The following STRN3 variants were observed in gnomAD, a reference collection of about 807,000 sequenced individuals.
STRN3 encodes striatin 3, also known as striatin-3.
A neutral mutation model predicts 95.6 loss-of-function variants in STRN3; 29 were observed. The ratio of observed to expected loss-of-function variants is 0.30; its 90% CI spans 0.23 to 0.41. The LOEUF (loss-of-function observed/expected upper bound fraction) is 0.41, where lower values mean the gene tolerates loss of function less well. Ranked by LOEUF, STRN3 falls within the 10% of genes least tolerant of loss-of-function variation. The pLI is 1.00. For missense variants in STRN3, 890 were observed against 972.1 expected, an observed-to-expected ratio of 0.92 and a Z score of 1.12; for synonymous variants, 331 against 357.6, an observed-to-expected ratio of 0.93 and a Z score of 0.84.
In STRN3 at chr14:30,911,799, T is replaced by C. The variant is rs1450725961; in HGVS notation, c.1576A>G (p.Ile526Val). ...TACATGTGGGCCCTAAATGTGTAGA[T>C]AGGCTCTACATCTAAAGAGGCACTC... ...KKSASLDVEP[I>V]YTFRAHIGPV... The change falls in exon 12 of 18, where the codon ATC (isoleucine) becomes GTC (valine). Residue 526 changes from isoleucine (I) to valine (V), a missense_variant. By Grantham distance (29) the Ile-to-Val change is conservative. Around this residue, in one of 3 missense-constraint regions of STRN3, gnomAD observed 357 missense variants for 422.8 expected, o/e 0.84. Transcript: ENST00000357479. 64 of 1,608,822 alleles carry C rather than the reference T, an allele frequency of 4.0e-5. No homozygotes were observed. The highest frequency in any genetic ancestry group is 5.3e-5 in the Non-Finnish European group (63 of 1,178,452).
At chr14:30,951,049 T>A in intron 3 of STRN3, 105 bp from the exon 4 acceptor site, 1 of 940,490 alleles carries the variant, frequency 1.1e-6, no homozygotes, top group Non-Finnish European at 1.6e-6. Context: ...ACCTATTTTA[T>A]AAAGGACAGG....
chr14:30,947,554 C>A (rs1879425340), intron 4 of STRN3, among the ~76,000 whole-genome samples: 1 of 152,114 alleles, frequency 6.6e-6, no homozygotes, highest in Non-Finnish European at 1.5e-5. Context: ...CACACACACA[C>A]ACATTTTTAA....
intron 16 of STRN3, among the ~76,000 whole-genome samples, chr14:30,898,924 G>C (rs1202717854): frequency 6.6e-6 from 1 of 152,200 alleles, no homozygotes; most frequent in Non-Finnish European, 1.5e-5. Context: ...AACTGTGTGA[G>C]TTTAAATACT....
At chr14:30,994,082 G>C (rs1447012479) in intron 1 of STRN3, among the ~76,000 whole-genome samples, 1 of 152,042 alleles carries the variant, frequency 6.6e-6, no homozygotes, top group Non-Finnish European at 1.5e-5. Flanking sequence ...TCCCATGTTG[G>C]TCAGACTGGT....
At chr14:30,914,924 C>A (rs1896698791) in intron 9 of STRN3, among the ~76,000 whole-genome samples, 1 of 152,164 alleles carries the variant, frequency 6.6e-6, no homozygotes, top group Admixed American at 6.5e-5. Context: ...ACCAATTAAA[C>A]TCTGCCATAA....
intron 1 of STRN3, among the ~76,000 whole-genome samples, chr14:31,009,152 T>C (rs1329957742): frequency 6.6e-6 from 1 of 152,194 alleles, no homozygotes; most frequent in African/African-American, 2.4e-5. Context: ...ATGAGTTTCT[T>C]TTGTATCGAT....
In STRN3 at chr14:30,910,694, T is replaced by C. The variant is rs572121203; in HGVS notation, c.1720+347A>G. On this transcript the variant is annotated intron_variant, in intron 13 of 17. Coordinates refer to ENST00000357479, the MANE Select transcript of STRN3 (RefSeq NM_001083893.2). The stretch of plus-strand genomic sequence containing the variant: ...ATTTATACCCCTGATGTTGGTTCCA[T>C]TGTCTTTTGCTTAATATTTTTAAAA... Among the ~76,000 whole-genome samples, 266 of 152,216 alleles carry C rather than the reference T, an allele frequency of 1.7e-3. 1 individual carries two copies. Among genetic ancestry groups the C allele is most frequent in the Non-Finnish European group, 3.2e-3 (215 of 68,000 alleles).
chr14:30,945,768 T>A (rs1321409817), intron 5 of STRN3, among the ~76,000 whole-genome samples: 1 of 152,166 alleles, frequency 6.6e-6, no homozygotes, highest in African/African-American at 2.4e-5. Flanking sequence ...TACAGAAGAC[T>A]GCTTATATGA....
chr14:30,898,053 A>G (rs1241488614), intron 16 of STRN3, among the ~76,000 whole-genome samples: 4 of 152,160 alleles, frequency 2.6e-5, no homozygotes, highest in Non-Finnish European at 5.9e-5. Context: ...GTACAGTGGC[A>G]CCATCATGGC....
At chr14:30,914,675 A>G (rs1338687492) in intron 9 of STRN3, among the ~76,000 whole-genome samples, 1 of 129,566 alleles carries the variant, frequency 7.7e-6, no homozygotes, top group Non-Finnish European at 1.7e-5. Context: ...TAAAGCTTTG[A>G]CTATGACTTT....
intron 4 of STRN3, among the ~76,000 whole-genome samples, chr14:30,949,384 G>A (rs7350754): frequency 0.64 from 97,605 of 152,092 alleles, 32,189 homozygotes; most frequent in Non-Finnish European, 0.73. Context: ...AGGCCAAGGC[G>A]GGCAGATCAC....
intron 8 of STRN3, among the ~76,000 whole-genome samples, chr14:30,924,478 G>A (rs1896969769): frequency 6.6e-6 from 1 of 151,768 alleles, no homozygotes; most frequent in Admixed American, 6.6e-5. Context: ...TTTTAGTAGA[G>A]ACAAGGTCTC....
At chr14:30,991,605 AG>A (rs1881957515) in intron 1 of STRN3, among the ~76,000 whole-genome samples, 1 of 152,206 alleles carries the variant, frequency 6.6e-6, no homozygotes, top group South Asian at 2.1e-4. Context: ...TTCTAAGCAG[AG>A]GAAACAGTAT....
intron 5 of STRN3, among the ~76,000 whole-genome samples, chr14:30,943,452 C>G (rs965750759): frequency 6.6e-5 from 10 of 151,980 alleles, no homozygotes; most frequent in African/African-American, 2.4e-4. Flanking sequence ...CTTAAAGAAT[C>G]AGCCAGGTGT....
intron 1 of STRN3, among the ~76,000 whole-genome samples, chr14:30,997,948 G>A (rs1037574359): frequency 1.1e-4 from 16 of 152,168 alleles, no homozygotes; most frequent in South Asian, 6.2e-4. Context: ...GTGGCAATCC[G>A]GGGAGTGTCC....
intron 8 of STRN3, among the ~76,000 whole-genome samples, chr14:30,922,090 T>C (rs1252444993): frequency 3.3e-5 from 5 of 152,064 alleles, no homozygotes; most frequent in Admixed American, 3.3e-4. Context: ...GGTCTCACCA[T>C]GTTGTCCAGG....
chr14:30,931,036 A>C (rs1402543011), intron 7 of STRN3, among the ~76,000 whole-genome samples: 1 of 152,172 alleles, frequency 6.6e-6, no homozygotes, highest in Non-Finnish European at 1.5e-5. Flanking sequence ...AGAGAGAATA[A>C]AACTGTGAAT....
intron 1 of STRN3, among the ~76,000 whole-genome samples, chr14:30,967,284 A>AGGCGGGGAAGAGAGGCAGAGG (rs1880570699): frequency 8.5e-6 from 1 of 117,732 alleles, no homozygotes; most frequent in Admixed American, 9.0e-5. Flanking sequence ...AGAGGCAGAG[A>AGGCGGGGAAGAGAGGCAGAGG]GGGGGGAAAG....
At chr14:30,936,724 T>G in intron 5 of STRN3, 100 bp from the exon 6 acceptor site, 1 of 1,369,056 alleles carries the variant, frequency 7.3e-7, no homozygotes, top group Non-Finnish European at 9.8e-7. Context: ...ACTAGAGAGA[T>G]TCGAATGACT....
Sources: gnomAD v4.1 joint callset for allele counts (sites outside exome capture counted in the v4.1 genomes callset) on GRCh38, gnomAD v4.1.1 for gene constraint, gnomAD v4.1.1 regional missense constraint, MANE v1.5 for transcripts, NCBI Gene and HGNC (gene_info 2026-07-23, HGNC 2026-07-21) for gene names.